Variants in MAPK6 observed in about 807,000 individuals in gnomAD.
MAPK6 encodes ERK-3.
In MAPK6, 19 loss-of-function variants were observed where a neutral mutation model predicts 59.3. That is an observed-to-expected ratio of 0.32 (90% confidence interval 0.22 to 0.47). MAPK6 has a LOEUF of 0.47. Among genes scored for constraint, MAPK6 ranks in the 20% least tolerant of loss-of-function variants. The probability of loss-of-function intolerance (pLI) is 1.00; values close to 1 mark genes in which losing one functional copy is unlikely to be tolerated. For missense variants in MAPK6, 724 were observed against 847.9 expected (o/e 0.85, Z 1.81); for synonymous variants, 316 against 290.3 (o/e 1.09, Z -0.90).
At chr15:52,031,517 A>G (rs1595984874) in intron 1 of MAPK6, among the ~76,000 whole-genome samples, 1 of 152,212 alleles carries the variant, frequency 6.6e-6, no homozygotes, top group East Asian at 1.9e-4. Context: ...TACAGTCTCA[A>G]TAAAACCTTG....
intron 2 of MAPK6, among the ~76,000 whole-genome samples, chr15:51,985,290 C>T (rs1274440177): frequency 2.0e-5 from 3 of 151,746 alleles, no homozygotes; most frequent in Admixed American, 1.3e-4. Context: ...CTACCATGAG[C>T]CACAATCACA....
At chr15:52,016,052 TCGCGCGCGCG>T (rs376275284), upstream of MAPK6, among the ~76,000 whole-genome samples, 38 of 68,720 alleles carry the variant, frequency 5.5e-4, 1 homozygote, top group African/African-American at 2.0e-3. Flanking sequence ...CCAAACTCCA[TCGCGCGCGCG>T]CGCGCGCGCA....
intron 3 of MAPK6, among the ~76,000 whole-genome samples, chr15:52,013,660 T>C (rs2030153337): frequency 6.6e-6 from 1 of 152,194 alleles, no homozygotes; most frequent in African/African-American, 2.4e-5. Context: ...TCTGTCTCTC[T>C]CATGAGATAC....
chr15:52,051,258 C>T (rs1292293552), intron 3 of MAPK6, among the ~76,000 whole-genome samples: 1 of 151,976 alleles, frequency 6.6e-6, no homozygotes, highest in African/African-American at 2.4e-5. Context: ...AGGGTTTTAC[C>T]ATGTTAGCCA....
At chr15:52,027,265 G>T (rs914170230) in intron 1 of MAPK6, among the ~76,000 whole-genome samples, 5 of 139,754 alleles carry the variant, frequency 3.6e-5, no homozygotes, top group African/African-American at 1.3e-4. Flanking sequence ...CAGAAAAATT[G>T]CTTGAACCCA....
intron 3 of MAPK6, among the ~76,000 whole-genome samples, chr15:52,058,050 GT>G (rs746240389): frequency 3.9e-5 from 6 of 152,060 alleles, no homozygotes; most frequent in Non-Finnish European, 7.4e-5. Flanking sequence ...TTTATTTTTT[GT>G]TTTTGAGACA....
At position 52,028,562 on chromosome 15, in the gene MAPK6, A is replaced by T. The variant is rs567705030; in HGVS notation, c.-632+9186A>T. On this transcript the variant is annotated intron_variant, in intron 1 of 5. Transcript: ENST00000261845. ...TGTGTGGCTGTTAAAAGAAAAATTT[A>T]AAAAATTTAGGTCCTCAGTGATGCT... Among the ~76,000 whole-genome samples the T allele has an allele frequency of 1.9e-4, 29 of 152,334 alleles. No individual in the cohort carries two copies. In the East Asian group the frequency reaches 5.4e-3, roughly 28 times the overall value.
chr15:51,992,305 ATTTTTT>A (rs61396800), intron 2 of MAPK6, among the ~76,000 whole-genome samples: 3 of 101,424 alleles, frequency 3.0e-5, no homozygotes, highest in African/African-American at 1.1e-4. Context: ...ATATATATAT[ATTTTTT>A]TTTTTTTTGA....
chr15:52,040,610 G>C (rs555000183), intron 1 of MAPK6, among the ~76,000 whole-genome samples: 1 of 152,322 alleles, frequency 6.6e-6, no homozygotes, highest in South Asian at 2.1e-4. Flanking sequence ...TGGCGAGATA[G>C]GACAAAGTAA....
rs71130112 is a variant in MAPK6, at chr15:51,984,447, A to ATTTTTTTTTTTTTTT, written c.-770+1147_-770+1161dup. Among the ~76,000 whole-genome samples, 100 of 69,972 alleles carry ATTTTTTTTTTTTTTT rather than the reference A, an allele frequency of 1.4e-3. 1 individual carries two copies. Among genetic ancestry groups the ATTTTTTTTTTTTTTT allele is most frequent in the East Asian group, 3.9e-3 (6 of 1,548 alleles). The allele number at this position is 69,972 out of a possible 152,430, so 45.9% of individuals were successfully genotyped here. A position where few individuals can be genotyped will look rare whatever the true frequency, so the allele number is the denominator to read the frequency against. ...CAGGCGCCTGCCAACACGCCGGCTA[A>ATTTTTTTTTTTTTTT]TTTTTTTTTTTTTTTTTTTTTTTTT... On this transcript the variant is annotated intron_variant, in intron 2 of 7. Transcript: ENST00000691380.
chr15:52,064,511 A>G lies in MAPK6; in HGVS notation c.1677A>G (p.Gln559=). The part of the protein sequence containing the change: ...KLNDLNSSVS[Q]LELKSLISKS... ...ATGACTTGAATAGCTCAGTGTCCCA[A>G]CTAGAATTGAAAAGTTTGATATCAA... is the stretch of plus-strand genomic sequence containing the variant. The change falls in exon 6 of 6, where the codon CAA becomes CAG. Residue 559 remains glutamine (Q), a synonymous_variant. Transcript: ENST00000261845. 1.9e-6 allele frequency: 3 copies of G among 1,609,778 alleles called. No individual in the cohort carries two copies. Among genetic ancestry groups the G allele is most frequent in the Admixed American group, 1.7e-5 (1 of 59,590 alleles).
intron 1 of MAPK6, among the ~76,000 whole-genome samples, chr15:52,035,919 T>C (rs2031226389): frequency 6.6e-6 from 1 of 152,168 alleles, no homozygotes. Context: ...CTGATTTTTT[T>C]TTTCCTTAAA....
intron 4 of MAPK6, among the ~76,000 whole-genome samples, chr15:52,059,854 T>C (rs1227293203): frequency 6.6e-6 from 1 of 152,228 alleles, no homozygotes; most frequent in Non-Finnish European, 1.5e-5. Context: ...CATACTACTT[T>C]CTTCTTAACA....
chr15:52,040,409 G>A (rs2031379576), intron 1 of MAPK6, among the ~76,000 whole-genome samples: 1 of 152,216 alleles, frequency 6.6e-6, no homozygotes, highest in Non-Finnish European at 1.5e-5. Context: ...TGCTGTCAGT[G>A]AATGTGAACA....
intron 1 of MAPK6, among the ~76,000 whole-genome samples, chr15:52,030,152 C>T (rs2030971852): frequency 6.6e-6 from 1 of 152,162 alleles, no homozygotes; most frequent in Admixed American, 6.6e-5. Context: ...GTTAGGAATG[C>T]CCTTCTCCCA....
At chr15:52,043,742 A>ATTTT (rs71130125) in intron 1 of MAPK6, among the ~76,000 whole-genome samples, 885 of 40,728 alleles carry the variant, frequency 0.022, 144 homozygotes, top group Non-Finnish European at 0.03. Flanking sequence ...AAGTTGTTTG[A>ATTTT]TTTTTTTTTT....
At chr15:52,051,073 T>C (rs1271059547) in intron 3 of MAPK6, among the ~76,000 whole-genome samples, 1 of 152,122 alleles carries the variant, frequency 6.6e-6, no homozygotes, top group African/African-American at 2.4e-5. Context: ...ATTTTTTTTT[T>C]CTGAGACGGA....
At chr15:52,032,662 A>G (rs775332193) in intron 1 of MAPK6, among the ~76,000 whole-genome samples, 2 of 151,920 alleles carry the variant, frequency 1.3e-5, no homozygotes, top group Non-Finnish European at 2.9e-5. Flanking sequence ...ACAGATTTCT[A>G]TCCAGTTTTT....
chr15:52,049,636 T>C (rs1156647873), intron 2 of MAPK6, among the ~76,000 whole-genome samples: 4 of 147,600 alleles, frequency 2.7e-5, no homozygotes, highest in African/African-American at 7.5e-5. Context: ...TTTTTTGAGA[T>C]GGAGTTTAGC....
Sources: allele counts gnomAD v4.1 joint callset (sites outside exome capture counted in the v4.1 genomes callset), GRCh38; gene constraint gnomAD v4.1.1; transcripts MANE v1.5; gene names NCBI Gene and HGNC (gene_info 2026-07-23, HGNC 2026-07-21).